The following N4BP2 variants were observed in gnomAD, a reference collection of about 807,000 sequenced individuals.
The protein encoded by N4BP2 is NEDD4-binding protein 2.
In N4BP2, 91 loss-of-function variants were observed where a neutral mutation model predicts 152.8. The ratio of observed to expected loss-of-function variants is 0.60; its 90% CI spans 0.50 to 0.71. The LOEUF (loss-of-function observed/expected upper bound fraction) is 0.71. Among genes scored for constraint, N4BP2 ranks in the 30% least tolerant of loss-of-function variants. N4BP2 has a pLI of 0.00. For missense variants in N4BP2, 1,923 were observed against 2,059.1 expected, an observed-to-expected ratio of 0.93 and a Z score of 1.28; for synonymous variants, 646 against 705.3, an observed-to-expected ratio of 0.92 and a Z score of 1.33.
At position 40,157,889 on chromosome 4, in the gene N4BP2, A is replaced by T. The variant is rs547235905; in HGVS notation, c.*3652A>T. On this transcript the variant is annotated 3_prime_UTR_variant, in exon 18 of 18. Coordinates refer to ENST00000261435, the MANE Select transcript of N4BP2 (RefSeq NM_018177.6). ...TTTAATAGAGAAACAAGGCTAGAAC[A>T]CATCTACATCCTGAAGAGCCGTTTA... 2.0e-5 allele frequency: 3 copies of T among 152,216 alleles called. No homozygotes were observed. Among genetic ancestry groups the T allele is most frequent in the Non-Finnish European group, 4.4e-5 (3 of 68,028 alleles). 9.4% of individuals were successfully genotyped at this position (152,216 alleles called of 1,614,324 possible). A position where few individuals can be genotyped will look rare whatever the true frequency, so the allele number is the denominator to read the frequency against.
At chr4:40,080,417 C>T (rs1475105653) in intron 2 of N4BP2, among the ~76,000 whole-genome samples, 7 of 149,540 alleles carry the variant, frequency 4.7e-5, no homozygotes, top group Non-Finnish European at 8.9e-5. Context: ...GGCACCATCT[C>T]GGTCACTGCA....
chr4:40,068,247 T>A (rs1264226390), intron 1 of N4BP2, among the ~76,000 whole-genome samples: 1 of 152,200 alleles, frequency 6.6e-6, no homozygotes, highest in Non-Finnish European at 1.5e-5. Flanking sequence ...GGTTTGCAAA[T>A]ATTTTCTCTC....
chr4:40,080,195 TACGTAAGATTA>T (rs1713211588), intron 2 of N4BP2, among the ~76,000 whole-genome samples: 1 of 151,968 alleles, frequency 6.6e-6, no homozygotes, highest in Non-Finnish European at 1.5e-5. Context: ...AAAAGGAAGA[TACGTAAGATTA>T]GATGATAAAA....
the N4BP2 span, among the ~76,000 whole-genome samples, chr4:40,174,007 CAAA>C: frequency 6.6e-6 from 1 of 151,792 alleles, no homozygotes; most frequent in African/African-American, 2.4e-5. Flanking sequence ...ACTAAAACTA[CAAA>C]AAAAGGTATA....
chr4:40,090,932 CAA>C (rs869229637), intron 2 of N4BP2, among the ~76,000 whole-genome samples: 1 of 14,586 alleles, frequency 6.9e-5, no homozygotes, highest in Admixed American at 8.8e-4. Flanking sequence ...GACTCAGTCT[CAA>C]AAAAAAAAAA....
chr4:40,184,188 T>G, the N4BP2 span, among the ~76,000 whole-genome samples: 1 of 152,188 alleles, frequency 6.6e-6, no homozygotes, highest in Non-Finnish European at 1.5e-5. Flanking sequence ...TCATCTATGT[T>G]AAACGTGGGA....
At chr4:40,150,653 A>G (rs1394504756) in intron 16 of N4BP2, among the ~76,000 whole-genome samples, 1 of 146,356 alleles carries the variant, frequency 6.8e-6, no homozygotes, top group Non-Finnish European at 1.5e-5. Flanking sequence ...CCTGGGCAAC[A>G]GAGTGAGACT....
chr4:40,150,289 T>C (rs1232063852), intron 16 of N4BP2, among the ~76,000 whole-genome samples: 3 of 152,220 alleles, frequency 2.0e-5, no homozygotes, highest in Non-Finnish European at 4.4e-5. Flanking sequence ...TAGAACTGAC[T>C]ACCATTTTAT....
At chr4:40,153,054 G>T in intron 17 of N4BP2, 151 bp downstream of exon 17, 1 of 550,472 alleles carries the variant, frequency 1.8e-6, no homozygotes, top group Non-Finnish European at 2.9e-6. Context: ...AGAACAATCT[G>T]TTAAAATAGT....
chr4:40,064,880 C>T (rs1365835632), intron 1 of N4BP2, among the ~76,000 whole-genome samples: 4 of 152,050 alleles, frequency 2.6e-5, no homozygotes, highest in Non-Finnish European at 5.9e-5. Flanking sequence ...AGCGATTCTC[C>T]TGCCTCAGCC....
At chr4:40,064,568 C>T (rs1050156696) in intron 1 of N4BP2, among the ~76,000 whole-genome samples, 8 of 152,030 alleles carry the variant, frequency 5.3e-5, no homozygotes, top group Non-Finnish European at 7.4e-5. Flanking sequence ...CCACCGCGCC[C>T]GGCAATAACA....
chr4:40,089,426 C>G (rs1408430468), intron 2 of N4BP2, among the ~76,000 whole-genome samples: 1 of 142,250 alleles, frequency 7.0e-6, no homozygotes, highest in Non-Finnish European at 1.5e-5. Context: ...TATAATTTAT[C>G]AGTTTTGCCT....
chr4:40,135,640 G>A (rs1719315957), intron 13 of N4BP2, among the ~76,000 whole-genome samples: 1 of 152,290 alleles, frequency 6.6e-6, no homozygotes, highest in South Asian at 2.1e-4. Flanking sequence ...TCGGCTCACT[G>A]CAACCTCTGC....
At chr4:40,057,103 C>G (rs1560560269) in intron 1 of N4BP2, 73 bp downstream of exon 1, 1 of 152,720 alleles carries the variant, frequency 6.5e-6, no homozygotes, top group Non-Finnish European at 1.5e-5. Flanking sequence ...TCCCGGGGCT[C>G]CGAGCCGAAG....
intron 2 of N4BP2, among the ~76,000 whole-genome samples, chr4:40,075,183 A>G (rs540911823): frequency 6.6e-6 from 1 of 152,274 alleles, no homozygotes; most frequent in Admixed American, 6.6e-5. Flanking sequence ...AGTTGTAGAT[A>G]TAAACACATA....
intron 16 of N4BP2, among the ~76,000 whole-genome samples, chr4:40,147,550 C>T (rs1207109491): frequency 6.7e-6 from 1 of 149,812 alleles, no homozygotes; most frequent in African/African-American, 2.5e-5. Context: ...GCGCCCCCCA[C>T]CTCCCTCCCG....
At chr4:40,142,643 G>T (rs2664187) in intron 14 of N4BP2, 30 bp from the exon 15 acceptor site, 95,795 of 1,482,250 alleles carry the variant, frequency 0.065, 7,206 homozygotes, top group East Asian at 0.44. Flanking sequence ...AACTTTCTGT[G>T]TGTGTTACTT....
chr4:40,094,208 C>T (rs1010904835), intron 2 of N4BP2, among the ~76,000 whole-genome samples: 1 of 152,060 alleles, frequency 6.6e-6, no homozygotes, highest in South Asian at 2.1e-4. Flanking sequence ...GGAAAACATA[C>T]CTGTGTGATA....
At chr4:40,146,954 C>T (rs1269534817) in intron 16 of N4BP2, among the ~76,000 whole-genome samples, 6 of 136,828 alleles carry the variant, frequency 4.4e-5, no homozygotes, top group Non-Finnish European at 7.7e-5. Flanking sequence ...GGGTGTTTCT[C>T]GCAGAGGGGG....
Sources: gnomAD v4.1 joint callset for allele counts (sites outside exome capture counted in the v4.1 genomes callset) on GRCh38, gnomAD v4.1.1 for gene constraint, MANE v1.5 for transcripts, NCBI Gene and HGNC (gene_info 2026-07-23, HGNC 2026-07-21) for gene names.